The following EYS variants were observed in gnomAD, a reference collection of about 807,000 sequenced individuals.
The protein encoded by EYS is EGF-like photoreceptor maintenance factor.
EYS carries 250 observed loss-of-function variants against 282.1 expected under a neutral mutation model. The ratio of observed to expected loss-of-function variants is 0.89; its 90% CI spans 0.80 to 0.98. EYS has a LOEUF of 0.98. Ranked by LOEUF, EYS falls within the 50% of genes least tolerant of loss-of-function variation. EYS has a pLI of 0.00. For missense variants in EYS, 4,016 were observed against 3,709.0 expected, an observed-to-expected ratio of 1.08 and a Z score of -2.15; for synonymous variants, 1,355 against 1,282.9, an observed-to-expected ratio of 1.06 and a Z score of -1.20.
intron 12 of EYS, among the ~76,000 whole-genome samples, chr6:65,111,955 T>A (rs1229892350): frequency 6.6e-6 from 1 of 152,138 alleles, no homozygotes; most frequent in East Asian, 1.9e-4. Context: ...TTACTCACTT[T>A]CAACTTGGAG....
chr6:64,712,975 C>T (rs541579205), intron 22 of EYS, among the ~76,000 whole-genome samples: 11 of 152,200 alleles, frequency 7.2e-5, no homozygotes, highest in South Asian at 2.1e-4. Context: ...TAAAATCATC[C>T]GCAACACCAC....
chr6:63,987,122 G>C (rs1767403591), intron 34 of EYS, among the ~76,000 whole-genome samples: 1 of 151,682 alleles, frequency 6.6e-6, no homozygotes, highest in Non-Finnish European at 1.5e-5. Flanking sequence ...TTTCATAGAA[G>C]CTAAATTGTC....
intron 24 of EYS, among the ~76,000 whole-genome samples, chr6:64,606,896 G>A (rs668876): frequency 0.021 from 3,263 of 152,144 alleles, 130 homozygotes; most frequent in African/African-American, 0.074. Flanking sequence ...AAAGCAGCAA[G>A]CAAGATATGC....
At position 65,057,697 on chromosome 6, in the gene EYS, C is replaced by T. The variant is rs961525585; in HGVS notation, c.2054G>A (p.Cys685Tyr). 1.3e-6 allele frequency: 2 copies of T among 1,550,274 alleles called. No individual in the cohort carries two copies. Among genetic ancestry groups the T allele is most frequent in the Non-Finnish European group, 1.7e-6 (2 of 1,146,130 alleles). Residue 685 changes from cysteine to tyrosine, a missense_variant, in exon 13 of 43, where the codon TGT (cysteine) becomes TAT (tyrosine). Physicochemically the swap from Cys to Tyr is radical, Grantham distance 194 (BLOSUM62 -2). Transcript: ENST00000503581. ...TCCATTTTTGCAGGGATGTGAAGCA[C>T]ACTCATCTATATCAATTTCACATTG... ...GTQCEIDIDE[C>Y]ASHPCKNGAT...
chr6:65,012,590 G>T (rs1583396646), intron 13 of EYS, among the ~76,000 whole-genome samples: 1 of 152,056 alleles, frequency 6.6e-6, no homozygotes, highest in East Asian at 1.9e-4. Flanking sequence ...AAGTTGAGAA[G>T]TACTATAGTT....
chr6:65,212,185 G>C (rs1766192392), intron 12 of EYS, among the ~76,000 whole-genome samples: 1 of 152,028 alleles, frequency 6.6e-6, no homozygotes, highest in Admixed American at 6.6e-5. Context: ...GATGGAGATG[G>C]GAATTTTATC....
intron 14 of EYS, among the ~76,000 whole-genome samples, chr6:64,975,297 T>TA (rs992254013): frequency 6.6e-5 from 10 of 151,540 alleles, no homozygotes; most frequent in Admixed American, 2.0e-4. Flanking sequence ...CTTTCCTTGT[T>TA]AAAAAAAATA....
At chr6:63,968,324 A>C (rs1429368371) in intron 35 of EYS, among the ~76,000 whole-genome samples, 1 of 152,178 alleles carries the variant, frequency 6.6e-6, no homozygotes, top group South Asian at 2.1e-4. Flanking sequence ...GGGCAAATAC[A>C]ATTCTTTATT....
At chr6:65,517,882 C>T (rs945031847) in intron 2 of EYS, among the ~76,000 whole-genome samples, 3 of 151,930 alleles carry the variant, frequency 2.0e-5, no homozygotes, top group Non-Finnish European at 4.4e-5. Flanking sequence ...ACTCCAAACA[C>T]GTTCTATGTG....
intron 26 of EYS, among the ~76,000 whole-genome samples, chr6:64,492,121 T>C (rs985986531): frequency 6.6e-6 from 1 of 151,202 alleles, no homozygotes; most frequent in Admixed American, 6.6e-5. Context: ...ATAACCTATA[T>C]CTTTTTTCAA....
intron 42 of EYS, among the ~76,000 whole-genome samples, 167 bp from the exon 43 acceptor site, chr6:63,721,964 T>C (rs1448298345): frequency 3.3e-5 from 5 of 152,164 alleles, no homozygotes; most frequent in African/African-American, 1.2e-4. Context: ...AAAATGCATA[T>C]ATCCTGTATT....
At chr6:65,612,313 T>A (rs1426468381) in intron 2 of EYS, among the ~76,000 whole-genome samples, 1 of 151,532 alleles carries the variant, frequency 6.6e-6, no homozygotes, top group African/African-American at 2.4e-5. Context: ...TCAGAGCTCA[T>A]GAAATATGAT....
At chr6:65,182,474 C>A (rs888759891) in intron 12 of EYS, among the ~76,000 whole-genome samples, 3 of 151,396 alleles carry the variant, frequency 2.0e-5, no homozygotes, top group African/African-American at 7.3e-5. Flanking sequence ...ATAATGCAAA[C>A]ATTTCTCCAA....
intron 5 of EYS, among the ~76,000 whole-genome samples, chr6:65,418,868 T>A (rs2150375552): frequency 6.6e-6 from 1 of 152,104 alleles, no homozygotes; most frequent in Non-Finnish European, 1.5e-5. Context: ...ATACTAAAAG[T>A]ATGGTCTCAA....
At chr6:64,069,546 A>G (rs995431267) in intron 32 of EYS, among the ~76,000 whole-genome samples, 1 of 152,100 alleles carries the variant, frequency 6.6e-6, no homozygotes, top group African/African-American at 2.4e-5. Flanking sequence ...GACAAATAAA[A>G]GTGTCTTAAA....
chr6:65,531,614 G>A (rs1016542053), intron 2 of EYS, among the ~76,000 whole-genome samples: 1 of 152,128 alleles, frequency 6.6e-6, no homozygotes, highest in Admixed American at 6.6e-5. Flanking sequence ...AGATCCCTAT[G>A]AGCAGCATAA....
intron 22 of EYS, among the ~76,000 whole-genome samples, chr6:64,777,543 G>A (rs1182706338): frequency 1.3e-5 from 2 of 152,044 alleles, no homozygotes; most frequent in African/African-American, 4.8e-5. Context: ...TTTTCTTAAT[G>A]TGTTTTATAC....
intron 31 of EYS, among the ~76,000 whole-genome samples, chr6:64,098,277 A>G (rs1449417319): frequency 6.6e-6 from 1 of 152,200 alleles, no homozygotes; most frequent in Non-Finnish European, 1.5e-5. Flanking sequence ...ATAGACTATC[A>G]AAAGTATGAA....
chr6:64,493,029 C>A (rs1240129292), intron 26 of EYS, among the ~76,000 whole-genome samples: 2 of 151,282 alleles, frequency 1.3e-5, no homozygotes, highest in Admixed American at 1.3e-4. Context: ...ACACCTGGAG[C>A]AATCTTAAGT....
Sources: gnomAD v4.1 joint callset for allele counts (sites outside exome capture counted in the v4.1 genomes callset) on GRCh38, gnomAD v4.1.1 for gene constraint, MANE v1.5 for transcripts, NCBI Gene and HGNC (gene_info 2026-07-23, HGNC 2026-07-21) for gene names.